FARP1: variants seen among roughly 807,000 people sequenced by gnomAD.
The protein encoded by FARP1 is FERM, ARH/RhoGEF and pleckstrin domain protein 1.
A neutral mutation model predicts 128.8 loss-of-function variants in FARP1; 52 were observed. The ratio of observed to expected loss-of-function variants is 0.40; its 90% CI spans 0.32 to 0.51. The LOEUF (loss-of-function observed/expected upper bound fraction) is 0.51, where lower values mean the gene tolerates loss of function less well. Ranked by LOEUF, FARP1 falls within the 20% of genes least tolerant of loss-of-function variation. FARP1 has a pLI of 0.45. For missense variants in FARP1, 1,333 were observed against 1,367.9 expected, an observed-to-expected ratio of 0.97 and a Z score of 0.40; for synonymous variants, 580 against 551.8, an observed-to-expected ratio of 1.05 and a Z score of -0.72.
intron 2 of FARP1, among the ~76,000 whole-genome samples, chr13:98,320,714 A>G (rs747338061): frequency 1.3e-4 from 20 of 152,350 alleles, no homozygotes; most frequent in Middle Eastern, 6.8e-3. Flanking sequence ...TGGTATCTTC[A>G]ACAGTGATCT....
chr13:98,364,822 C>T (rs1889015920), intron 3 of FARP1, among the ~76,000 whole-genome samples: 1 of 152,218 alleles, frequency 6.6e-6, no homozygotes, highest in Non-Finnish European at 1.5e-5. Flanking sequence ...AGCAGTGTCA[C>T]TCTCTAGCTG....
At chr13:98,168,730 C>T (rs1406485757) in intron 1 of FARP1, among the ~76,000 whole-genome samples, 2 of 152,136 alleles carry the variant, frequency 1.3e-5, no homozygotes, top group East Asian at 1.9e-4. Flanking sequence ...CTGGTAGAGC[C>T]CTTCCCAAAG....
chr13:98,182,501 A>AT (rs775981354), intron 1 of FARP1, among the ~76,000 whole-genome samples: 8 of 151,630 alleles, frequency 5.3e-5, no homozygotes, highest in Non-Finnish European at 1.2e-4. Flanking sequence ...TGATTTTTGT[A>AT]TTTTTTGTAG....
intron 2 of FARP1, among the ~76,000 whole-genome samples, chr13:98,256,947 G>T (rs1276004809): frequency 1.0e-4 from 2 of 19,086 alleles, no homozygotes; most frequent in African/African-American, 6.5e-4. Flanking sequence ...GTATATATGT[G>T]GATATATATA....
At chr13:98,214,460 G>A (rs1880939556) in intron 2 of FARP1, among the ~76,000 whole-genome samples, 1 of 152,158 alleles carries the variant, frequency 6.6e-6, no homozygotes, top group African/African-American at 2.4e-5. Flanking sequence ...CAAACTCTGG[G>A]AGCACACCTG....
chr13:98,182,995 A>G (rs1046371919), intron 1 of FARP1, among the ~76,000 whole-genome samples: 2 of 152,174 alleles, frequency 1.3e-5, no homozygotes, highest in African/African-American at 4.8e-5. Flanking sequence ...ATACCATAAT[A>G]TCTGTTGATT....
intron 1 of FARP1, among the ~76,000 whole-genome samples, chr13:98,159,809 T>C (rs1006879545): frequency 1.3e-5 from 2 of 152,192 alleles, no homozygotes; most frequent in African/African-American, 4.8e-5. Context: ...CACATGACTA[T>C]CTTAATTATG....
rs535780612 is a variant in FARP1 at position 98,336,419 on chromosome 13, G to A, written c.172-7343G>A. Among the ~76,000 whole-genome samples, 16 of 152,130 alleles carry A rather than the reference G, an allele frequency of 1.1e-4. No individual in the cohort carries two copies. The East Asian group carries it at 1.2e-3, about 11-fold the overall frequency. On this transcript the variant is annotated intron_variant, in intron 2 of 26. Transcript: ENST00000319562. ...CAAGTAGCTGGGACTACAGGCACGC[G>A]CCACCACGCCCAGATAATTTTTTTG...
At chr13:98,212,336 G>A (rs749826775) in intron 1 of FARP1, among the ~76,000 whole-genome samples, 5 of 152,154 alleles carry the variant, frequency 3.3e-5, no homozygotes, top group African/African-American at 7.2e-5. Flanking sequence ...GATTACAGGC[G>A]TGAGCCACCG....
chr13:98,395,630 G>A, intron 13 of FARP1, 154 bp downstream of exon 13: 1 of 947,370 alleles, frequency 1.1e-6, no homozygotes, highest in Admixed American at 2.7e-5. Flanking sequence ...AATTATGAGG[G>A]TGATCTGACC....
intron 1 of FARP1, among the ~76,000 whole-genome samples, chr13:98,194,243 A>G (rs909173569): frequency 8.6e-5 from 13 of 151,968 alleles, no homozygotes; most frequent in Non-Finnish European, 1.5e-4. Flanking sequence ...CAGCCTCCCG[A>G]GTAGCTGGGA....
At chr13:98,248,766 T>G (rs1293433204) in intron 2 of FARP1, among the ~76,000 whole-genome samples, 1 of 151,908 alleles carries the variant, frequency 6.6e-6, no homozygotes, top group Non-Finnish European at 1.5e-5. Flanking sequence ...TGGAAACAGG[T>G]GCCTTTTTGA....
Position 98,174,649 on chromosome 13 carries a change from T to C in FARP1, c.-24+31157T>C, listed in dbSNP as rs145464170. On this transcript the variant is annotated intron_variant, in intron 1 of 26. Coordinates refer to ENST00000319562, the MANE Select transcript of FARP1 (RefSeq NM_005766.4). Reference sequence around the variant, plus strand: ...GAAAGCTCTATGTGAAATGCCAGAATAAATGGCTCACTTTTATGGGGCACT... The same window carrying C: ...GAAAGCTCTATGTGAAATGCCAGAACAAATGGCTCACTTTTATGGGGCACT... Among the ~76,000 whole-genome samples the C allele has an allele frequency of 4.6e-5, 7 of 152,310 alleles. No individual in the cohort carries two copies. In the East Asian group the frequency reaches 1.3e-3, roughly 29 times the overall value.
intron 13 of FARP1, 126 bp downstream of exon 13, chr13:98,395,602 C>A: frequency 8.6e-7 from 1 of 1,164,228 alleles, no homozygotes. Flanking sequence ...ATCCCGGTCC[C>A]GGTCCCAAAC....
intron 2 of FARP1, among the ~76,000 whole-genome samples, chr13:98,229,331 T>G (rs1427819017): frequency 6.6e-6 from 1 of 152,218 alleles, no homozygotes; most frequent in Non-Finnish European, 1.5e-5. Context: ...GCAAGAAATT[T>G]AAAAGTTATG....
At chr13:98,153,338 A>T (rs1483329786) in intron 1 of FARP1, among the ~76,000 whole-genome samples, 1 of 47,104 alleles carries the variant, frequency 2.1e-5, no homozygotes, top group African/African-American at 4.1e-5. Flanking sequence ...ATAATATATA[A>T]AATAATATAT....
intron 17 of FARP1, among the ~76,000 whole-genome samples, chr13:98,430,665 G>A (rs1264675460): frequency 1.3e-5 from 2 of 152,202 alleles, no homozygotes; most frequent in African/African-American, 2.4e-5. Flanking sequence ...CCCCTGGGCT[G>A]TTTGTTATCT....
At chr13:98,180,665 T>C (rs112481520) in intron 1 of FARP1, among the ~76,000 whole-genome samples, 82 of 152,324 alleles carry the variant, frequency 5.4e-4, no homozygotes, top group African/African-American at 1.9e-3. Flanking sequence ...TCTAAAATAT[T>C]ATTGATGTTC....
intron 1 of FARP1, among the ~76,000 whole-genome samples, chr13:98,153,116 T>C (rs1566669367): frequency 6.6e-6 from 1 of 151,598 alleles, no homozygotes; most frequent in Non-Finnish European, 1.5e-5. Context: ...CTGGAGTGTT[T>C]GGTTCTCTAA....
Sources: allele counts gnomAD v4.1 joint callset (sites outside exome capture counted in the v4.1 genomes callset), GRCh38; gene constraint gnomAD v4.1.1; transcripts MANE v1.5; gene names NCBI Gene and HGNC (gene_info 2026-07-23, HGNC 2026-07-21).